Variants in ZMYM2 observed in about 807,000 individuals in gnomAD.
The protein encoded by ZMYM2 is zinc finger MYM-type containing 2.
ZMYM2 carries 56 observed loss-of-function variants against 162.8 expected under a neutral mutation model. The observed-to-expected ratio is 0.34, with a 90% CI of 0.28 to 0.43. The LOEUF (loss-of-function observed/expected upper bound fraction) is 0.43. Ranked by LOEUF, ZMYM2 falls within the 20% of genes least tolerant of loss-of-function variation. The pLI, the probability that ZMYM2 is intolerant of heterozygous loss-of-function variation, is 1.00. For synonymous variants in ZMYM2, 510 were observed against 541.6 expected (o/e 0.94, Z 0.81); for missense variants, 1,275 against 1,621.8 (o/e 0.79, Z 3.67).
At chr13:20,074,448 C>G (rs549966236) in intron 21 of ZMYM2, among the ~76,000 whole-genome samples, 1 of 151,946 alleles carries the variant, frequency 6.6e-6, no homozygotes, top group Admixed American at 6.6e-5. Context: ...GTTGACCAGT[C>G]TGGTCTCGAA....
the ZMYM2 span, among the ~76,000 whole-genome samples, chr13:19,893,105 T>A: frequency 3.3e-5 from 5 of 151,950 alleles, no homozygotes; most frequent in South Asian, 8.3e-4. Flanking sequence ...ATAATGTAGA[T>A]GTAATTAATG....
chr13:20,073,654 A>G (rs754093214), intron 21 of ZMYM2, among the ~76,000 whole-genome samples: 26 of 152,186 alleles, frequency 1.7e-4, no homozygotes, highest in Non-Finnish European at 2.9e-4. Context: ...GAATTTTTAT[A>G]TGTTGTGTTT....
In ZMYM2 at chr13:20,011,754, T is replaced by G. The variant is rs193192463; in HGVS notation, c.1512+5168T>G. 1.5e-4 allele frequency among the ~76,000 whole-genome samples: 22 copies of G among 151,612 alleles called. No individual in the cohort carries two copies. In the East Asian group the frequency reaches 4.1e-3, roughly 28 times the overall value. ...GCCACCATGCCTAATTTTTGTTTTTTTTTTTTCTTTTTTGAGATGGAGTCT... is the reference window on the plus strand; with the variant it reads ...GCCACCATGCCTAATTTTTGTTTTTGTTTTTTCTTTTTTGAGATGGAGTCT... On this transcript the variant is annotated intron_variant, in intron 6 of 24. Transcript: ENST00000610343.
chr13:19,907,654 C>A, the ZMYM2 span, among the ~76,000 whole-genome samples: 1 of 142,682 alleles, frequency 7.0e-6, no homozygotes, highest in African/African-American at 2.6e-5. Context: ...CCCAGTTACT[C>A]GGGAGGCTGA....
intron 21 of ZMYM2, among the ~76,000 whole-genome samples, chr13:20,078,616 T>C (rs1957684022): frequency 6.6e-6 from 1 of 152,204 alleles, no homozygotes; most frequent in Non-Finnish European, 1.5e-5. Context: ...TAAGTAGATA[T>C]CTGTCAACGT....
chr13:19,970,598 A>T (rs9552052), intron 2 of ZMYM2, among the ~76,000 whole-genome samples: 7,880 of 95,584 alleles, frequency 0.082, 156 homozygotes, highest in South Asian at 0.29. Context: ...AAAACCCCAA[A>T]CCAAAAAAAA....
chr13:19,983,956 C>T (rs9508991), intron 2 of ZMYM2, among the ~76,000 whole-genome samples: 4 of 152,132 alleles, frequency 2.6e-5, no homozygotes, highest in Non-Finnish European at 4.4e-5. Flanking sequence ...CATTTTAAAT[C>T]TATCATATTA....
the ZMYM2 span, among the ~76,000 whole-genome samples, chr13:19,929,197 C>A: frequency 3.3e-5 from 5 of 151,766 alleles, no homozygotes; most frequent in Non-Finnish European, 7.4e-5. Context: ...TTTTTAATGT[C>A]TTTTATTTTT....
At chr13:20,009,084 T>G (rs1266935514) in intron 6 of ZMYM2, among the ~76,000 whole-genome samples, 1 of 152,124 alleles carries the variant, frequency 6.6e-6, no homozygotes, top group Admixed American at 6.5e-5. Context: ...AAGGTAGATA[T>G]GAAGATCAAA....
intron 21 of ZMYM2, 104 bp from the exon 22 acceptor site, chr13:20,081,912 A>G (rs985986101): frequency 1.6e-5 from 10 of 643,932 alleles, no homozygotes; most frequent in Non-Finnish European, 2.3e-5. Flanking sequence ...TTTCAAAGAC[A>G]TAAAGCTTTA....
intron 3 of ZMYM2, among the ~76,000 whole-genome samples, chr13:20,002,593 C>CTT (rs1282051503): frequency 6.6e-6 from 1 of 152,100 alleles, no homozygotes; most frequent in Non-Finnish European, 1.5e-5. Context: ...AGATTGAGCT[C>CTT]TGAGTTACCC....
At chr13:19,985,850 T>A (rs534885808) in intron 2 of ZMYM2, among the ~76,000 whole-genome samples, 1 of 151,762 alleles carries the variant, frequency 6.6e-6, no homozygotes. Context: ...TACTACAGCC[T>A]GGGCAACAGA....
At chr13:19,897,779 A>G in the ZMYM2 span, among the ~76,000 whole-genome samples, 2 of 152,082 alleles carry the variant, frequency 1.3e-5, no homozygotes, top group Non-Finnish European at 2.9e-5. Context: ...TTGACCATAT[A>G]AAATCATCAA....
intron 2 of ZMYM2, among the ~76,000 whole-genome samples, chr13:19,967,009 C>T (rs1955848658): frequency 6.6e-6 from 1 of 152,174 alleles, no homozygotes; most frequent in South Asian, 2.1e-4. Flanking sequence ...GTTAGTCTCT[C>T]TTCCATGACA....
chr13:19,884,130 G>A, the ZMYM2 span, among the ~76,000 whole-genome samples: 2 of 152,206 alleles, frequency 1.3e-5, no homozygotes, highest in Non-Finnish European at 2.9e-5. Flanking sequence ...TAGCACCTTG[G>A]AAGGCTGAGG....
chr13:20,078,427 C>CTT (rs1276634929), intron 21 of ZMYM2, among the ~76,000 whole-genome samples: 2 of 152,124 alleles, frequency 1.3e-5, no homozygotes, highest in Non-Finnish European at 2.9e-5. Flanking sequence ...GTGTTTCTTG[C>CTT]TTTAGCTAGC....
At chr13:19,971,244 G>GTGTTTATATATATATATATATATA (rs5802035) in intron 2 of ZMYM2, among the ~76,000 whole-genome samples, 1 of 50,134 alleles carries the variant, frequency 2.0e-5, no homozygotes, top group Non-Finnish European at 3.9e-5. Context: ...GTGTGTGTGT[G>GTGTTTATATATATATATATATATA]TATATATATA....
the ZMYM2 span, among the ~76,000 whole-genome samples, chr13:19,883,564 T>C: frequency 6.6e-6 from 1 of 152,212 alleles, no homozygotes; most frequent in Non-Finnish European, 1.5e-5. Context: ...TTTTGGGCAT[T>C]CTTAACAAAT....
chr13:19,937,717 C>T, the ZMYM2 span, among the ~76,000 whole-genome samples: 23 of 151,418 alleles, frequency 1.5e-4, no homozygotes, highest in African/African-American at 4.8e-4. Context: ...ATACATGTGC[C>T]ATGTTGGTGT....
Sources: allele counts gnomAD v4.1 joint callset (sites outside exome capture counted in the v4.1 genomes callset), GRCh38; gene constraint gnomAD v4.1.1; transcripts MANE v1.5; gene names NCBI Gene and HGNC (gene_info 2026-07-23, HGNC 2026-07-21).